The following OVCH1 variants were observed in gnomAD, a reference collection of about 807,000 sequenced individuals.
The protein encoded by OVCH1 is ovochymase-1.
OVCH1 carries 139 observed loss-of-function variants against 138.4 expected under a neutral mutation model. The ratio of observed to expected loss-of-function variants is 1.00; its 90% CI spans 0.87 to 1.16. The LOEUF (loss-of-function observed/expected upper bound fraction) is 1.16. OVCH1 is among the 50% of genes most tolerant of loss of function. The pLI, the probability that OVCH1 is intolerant of heterozygous loss-of-function variation, is 0.00. For missense variants in OVCH1, 1,367 were observed against 1,357.9 expected (o/e 1.01, Z -0.11); for synonymous variants, 453 against 467.8 (o/e 0.97, Z 0.41).
chr12:29,404,553 A>G, the OVCH1 span, among the ~76,000 whole-genome samples: 1 of 152,210 alleles, frequency 6.6e-6, no homozygotes, highest in Non-Finnish European at 1.5e-5. Flanking sequence ...AGACTGAAAG[A>G]TAAGTTAGTG....
At chr12:29,480,085 G>C (rs61393421) in intron 8 of OVCH1, among the ~76,000 whole-genome samples, 1,738 of 152,086 alleles carry the variant, frequency 0.011, 31 homozygotes, top group African/African-American at 0.04. Flanking sequence ...GCTTCCCAAA[G>C]TGCTGGGATT....
rs373062194 is a variant in OVCH1 at position 29,464,548 on chromosome 12, G to T, written c.2084C>A (p.Ser695Ter). 1 of 1,613,386 alleles carries T rather than the reference G, an allele frequency of 6.2e-7. No individual in the cohort carries two copies. The highest frequency in any genetic ancestry group is 1.7e-5 in the Admixed American group (1 of 59,872). The stretch of plus-strand genomic sequence containing the variant: ...CCATCCGGTCACAGCACAGATCTCC[G>T]AGGAAAATAGAGGCTCTGCGCTGTG... The change falls in exon 18 of 28, where the codon TCG becomes TAG. Residue 695 changes from serine (S) to a stop codon, truncating the protein, a stop_gained. Coordinates refer to ENST00000318184, the Ensembl canonical transcript of OVCH1. LOFTEE classifies it high-confidence loss of function.
intron 24 of OVCH1, among the ~76,000 whole-genome samples, chr12:29,443,866 C>A (rs1343585357): frequency 6.6e-6 from 1 of 152,076 alleles, no homozygotes; most frequent in South Asian, 2.1e-4. Flanking sequence ...ATTTTACATA[C>A]ATTATATCAG....
Position 29,464,566 on chromosome 12 carries a change from G to A in OVCH1, c.2066C>T (p.Ala689Val), listed in dbSNP as rs775736068. 3 of 1,613,622 alleles carry A rather than the reference G, an allele frequency of 1.9e-6. No homozygotes were observed. In the African/African-American group the frequency reaches 4.0e-5, roughly 22 times the overall value. ...GATCTCCGAGGAAAATAGAGGCTCT[G>A]CGCTGTGTGGGAGACATACTGGCCT... The change falls in exon 18 of 28, where the codon GCA becomes GTA. Residue 689 changes from alanine to valine, a missense_variant. By Grantham distance (64) the Ala-to-Val change is moderately conservative (BLOSUM62 0). Transcript: ENST00000318184.
At chr12:29,406,483 G>A in the OVCH1 span, among the ~76,000 whole-genome samples, 94 of 151,138 alleles carry the variant, frequency 6.2e-4, no homozygotes, top group Non-Finnish European at 1.2e-3. Context: ...AGTCCCCAGA[G>A]TGTGATGTTC....
At chr12:29,485,983 A>C (rs1943093604) in intron 8 of OVCH1, among the ~76,000 whole-genome samples, 1 of 149,222 alleles carries the variant, frequency 6.7e-6, no homozygotes. Context: ...TAAATAAATA[A>C]ATAAATAAAT....
rs776715569 is a variant in OVCH1, at chr12:29,489,780, A to G, written c.551-9T>C. 6.8e-6 allele frequency: 11 copies of G among 1,607,102 alleles called. No individual in the cohort carries two copies. The East Asian group carries it at 2.2e-4, about 33-fold the overall frequency. ...ATTTGAATATTCTGATGCTGTAGAG[A>G]GAGGACAGATAAGTTAGCACACAAT... On this transcript the variant is annotated splice_polypyrimidine_tract_variant and intron_variant, in intron 5 of 27. Transcript: ENST00000318184.
At position 29,454,807 on chromosome 12, in the gene OVCH1, A is replaced by G. The variant is rs763720261; in HGVS notation, c.2530+34T>C. 1.9e-6 allele frequency: 3 copies of G among 1,551,202 alleles called. No homozygotes were observed. In the African/African-American group the frequency reaches 4.1e-5, roughly 21 times the overall value. On this transcript the variant is annotated intron_variant, in intron 21 of 27. Coordinates refer to ENST00000318184, the Ensembl canonical transcript of OVCH1. ...AATGCTTCTTGCCAAATTCTGGCTG[A>G]AAGTATTAATGGGATAATGTAAACA...
At chr12:29,410,070 T>C (rs368722602), downstream of OVCH1, among the ~76,000 whole-genome samples, 5 of 152,028 alleles carry the variant, frequency 3.3e-5, no homozygotes, top group Admixed American at 6.6e-5. Context: ...TAATGGCCTT[T>C]TTTGTCTCTT....
At chr12:29,437,184 G>A (rs541174243) in intron 26 of OVCH1, among the ~76,000 whole-genome samples, 25 of 152,106 alleles carry the variant, frequency 1.6e-4, no homozygotes, top group African/African-American at 4.6e-4. Context: ...GACACAGAAC[G>A]CCAACTGGTG....
intron 25 of OVCH1, among the ~76,000 whole-genome samples, chr12:29,440,339 A>T (rs1294766492): frequency 6.6e-6 from 1 of 152,320 alleles, no homozygotes; most frequent in East Asian, 1.9e-4. Context: ...GATTAACATT[A>T]TAAGTAATAA....
intron 14 of OVCH1, among the ~76,000 whole-genome samples, chr12:29,473,452 A>G (rs1471467217): frequency 6.6e-6 from 1 of 152,014 alleles, no homozygotes. Flanking sequence ...ATTTTTATTC[A>G]TCTACATGTA....
intron 21 of OVCH1, among the ~76,000 whole-genome samples, chr12:29,453,835 C>A (rs1941866156): frequency 6.6e-6 from 1 of 152,120 alleles, no homozygotes; most frequent in South Asian, 2.1e-4. Flanking sequence ...TACAACTAAG[C>A]TAACTGGGGG....
At chr12:29,456,468 G>T (rs576997631) in intron 19 of OVCH1, among the ~76,000 whole-genome samples, 1 of 152,322 alleles carries the variant, frequency 6.6e-6, no homozygotes, top group African/African-American at 2.4e-5. Flanking sequence ...CTCGTAGATG[G>T]AAGCGTCTCT....
At chr12:29,451,049 G>A (rs1941777353) in intron 22 of OVCH1, among the ~76,000 whole-genome samples, 1 of 151,946 alleles carries the variant, frequency 6.6e-6, no homozygotes, top group Non-Finnish European at 1.5e-5. Flanking sequence ...ATAGCACTAG[G>A]AGAAGTAACT....
chr12:29,414,854 A>T (rs1941011883), intron 3 of OVCH1, among the ~76,000 whole-genome samples: 1 of 152,178 alleles, frequency 6.6e-6, no homozygotes, highest in East Asian at 1.9e-4. Flanking sequence ...ATTAAAATTA[A>T]TTATATTTTA....
chr12:29,451,328 A>AT lies in OVCH1; in HGVS notation c.2755+16dup, dbSNP rs1469054759. 4.4e-6 allele frequency: 7 copies of AT among 1,596,262 alleles called. No individual in the cohort carries two copies. In the African/African-American group the frequency reaches 9.4e-5, roughly 21 times the overall value. ...CCAAGACTCCTAGCACGAAGTTTAT[A>AT]TGCCAGGAAGGATTACCTGCCGTCT... On this transcript the variant is annotated intron_variant, in intron 22 of 27. Coordinates refer to ENST00000318184, the Ensembl canonical transcript of OVCH1.
intron 5 of OVCH1, among the ~76,000 whole-genome samples, chr12:29,490,204 C>G (rs1943237091): frequency 6.6e-6 from 1 of 152,132 alleles, no homozygotes; most frequent in South Asian, 2.1e-4. Context: ...GCTGGGACTA[C>G]AGGCATGCCA....
chr12:29,461,078 G>A (rs1425854493), intron 19 of OVCH1, among the ~76,000 whole-genome samples: 1 of 152,056 alleles, frequency 6.6e-6, no homozygotes, highest in African/African-American at 2.4e-5. Flanking sequence ...TGAGTGGTGG[G>A]GAAAACTATC....
Sources: allele counts gnomAD v4.1 joint callset (sites outside exome capture counted in the v4.1 genomes callset), GRCh38; gene constraint gnomAD v4.1.1; transcripts MANE v1.5; gene names NCBI Gene and HGNC (gene_info 2026-07-23, HGNC 2026-07-21).